Variants in ZNF248 observed in about 807,000 individuals in gnomAD.
The protein encoded by ZNF248 is KRAB protein domain.
In ZNF248, 20 loss-of-function variants were observed where a neutral mutation model predicts 44.3. That is an observed-to-expected ratio of 0.45 (90% CI 0.32 to 0.66). The LOEUF (loss-of-function observed/expected upper bound fraction) is 0.66. ZNF248 is among the 30% of genes least tolerant of loss of function. The pLI, the probability that ZNF248 is intolerant of heterozygous loss-of-function variation, is 0.04. For missense variants in ZNF248, 654 were observed against 677.0 expected (o/e 0.97, Z 0.38); for synonymous variants, 224 against 229.0 (o/e 0.98, Z 0.20).
intron 3 of ZNF248, among the ~76,000 whole-genome samples, chr10:37,853,682 C>T (rs552309451): frequency 1.6e-4 from 24 of 151,820 alleles, no homozygotes; most frequent in Middle Eastern, 3.5e-3. Flanking sequence ...GCCCGGCCAC[C>T]GGAATGGTAT....
chr10:37,809,929 T>C (rs952325118), intron 6 of ZNF248, among the ~76,000 whole-genome samples: 1 of 152,246 alleles, frequency 6.6e-6, no homozygotes, highest in Non-Finnish European at 1.5e-5. Flanking sequence ...TTAAAATCTA[T>C]TGAGACTTAA....
chr10:37,793,439 C>T (rs922018817), intron 6 of ZNF248, among the ~76,000 whole-genome samples: 6 of 152,098 alleles, frequency 3.9e-5, no homozygotes, highest in African/African-American at 1.4e-4. Flanking sequence ...AGATGTGGTT[C>T]GATACCAATG....
chr10:37,824,672 A>ATTTTT (rs1564542451), downstream of ZNF248, among the ~76,000 whole-genome samples: 3 of 61,318 alleles, frequency 4.9e-5, no homozygotes, highest in African/African-American at 1.3e-4. Flanking sequence ...AATTATTTTA[A>ATTTTT]ATTTTTTTTT....
the ZNF248 span, among the ~76,000 whole-genome samples, chr10:37,760,651 T>G: frequency 6.6e-6 from 1 of 152,150 alleles, no homozygotes; most frequent in African/African-American, 2.4e-5. Context: ...CTGGTCAACA[T>G]GGTGAAACCC....
intron 6 of ZNF248, among the ~76,000 whole-genome samples, chr10:37,788,202 T>G (rs896704136): frequency 5.5e-5 from 8 of 145,636 alleles, no homozygotes; most frequent in African/African-American, 2.0e-4. Context: ...GAGGTGGAGG[T>G]TGCAGTGAGC....
intron 6 of ZNF248, among the ~76,000 whole-genome samples, chr10:37,780,894 CG>C (rs1452103656): frequency 6.6e-6 from 1 of 152,122 alleles, no homozygotes; most frequent in East Asian, 1.9e-4. Context: ...GGTTCCGGGG[CG>C]TCTCTGCAAG....
chr10:37,820,499 A>G (rs2053287602), intron 6 of ZNF248: 1 of 1,600,254 alleles, frequency 6.2e-7, no homozygotes. Context: ...GGGATTGGAT[A>G]AGGAATGTTG....
At chr10:37,788,967 G>C (rs1258062135) in intron 6 of ZNF248, among the ~76,000 whole-genome samples, 1 of 152,012 alleles carries the variant, frequency 6.6e-6, no homozygotes, top group Non-Finnish European at 1.5e-5. Flanking sequence ...TGCTTCCTGG[G>C]TTCAAGCGAT....
chr10:37,772,645 A>C (rs914410119), downstream of ZNF248, among the ~76,000 whole-genome samples: 2 of 152,244 alleles, frequency 1.3e-5, no homozygotes, highest in African/African-American at 4.8e-5. Flanking sequence ...GAGACAGGTC[A>C]CAGTGGTCTA....
In ZNF248 at chr10:37,831,374, G is replaced by C. The variant is rs75530881; in HGVS notation, c.*241C>G. On this transcript the variant is annotated 3_prime_UTR_variant, in exon 6 of 6. Transcript: ENST00000395867. ...ATTTGCAACAAAATTTTGGTATCAC[G>C]TCTGGAATATAACACTAAACAACAT... 3.9e-6 allele frequency: 6 copies of C among 1,546,174 alleles called. No individual in the cohort carries two copies. The highest frequency in any genetic ancestry group is 5.2e-6 in the Non-Finnish European group (6 of 1,144,750).
chr10:37,850,496 A>G (rs1018193262), intron 3 of ZNF248, among the ~76,000 whole-genome samples: 5 of 152,226 alleles, frequency 3.3e-5, no homozygotes, highest in Admixed American at 3.3e-4. Flanking sequence ...TAAAGCAACT[A>G]TGAAGAAGAA....
chr10:37,771,003 C>CA, the ZNF248 span, among the ~76,000 whole-genome samples: 1 of 152,092 alleles, frequency 6.6e-6, no homozygotes, highest in East Asian at 1.9e-4. Context: ...TTTATGCAGC[C>CA]AAAAAACACA....
At chr10:37,766,940 G>T in the ZNF248 span, among the ~76,000 whole-genome samples, 74 of 152,304 alleles carry the variant, frequency 4.9e-4, 1 homozygote, top group South Asian at 7.9e-3. Flanking sequence ...GGAGCTGATG[G>T]AGCTGAAAGC....
intron 6 of ZNF248, among the ~76,000 whole-genome samples, chr10:37,818,077 G>C (rs532148537): frequency 1.3e-5 from 2 of 151,970 alleles, no homozygotes; most frequent in East Asian, 3.9e-4. Context: ...CACCAAGCCT[G>C]GCTAATTTTT....
chr10:37,778,100 G>A (rs953268715), intron 6 of ZNF248, among the ~76,000 whole-genome samples: 9 of 152,114 alleles, frequency 5.9e-5, no homozygotes, highest in African/African-American at 1.7e-4. Flanking sequence ...AGATCCCTGA[G>A]GAATCGCCAC....
chr10:37,789,454 G>C (rs1276892501), intron 6 of ZNF248, among the ~76,000 whole-genome samples: 2 of 152,124 alleles, frequency 1.3e-5, no homozygotes, highest in Non-Finnish European at 2.9e-5. Context: ...AACTAAAATG[G>C]TGTTTTATGG....
intron 6 of ZNF248, among the ~76,000 whole-genome samples, chr10:37,814,772 G>C (rs953942331): frequency 6.6e-6 from 1 of 152,152 alleles, no homozygotes; most frequent in Non-Finnish European, 1.5e-5. Context: ...AGAATGGCTT[G>C]TATGTATGTA....
chr10:37,809,832 T>C (rs2051205820), intron 6 of ZNF248, among the ~76,000 whole-genome samples: 1 of 151,944 alleles, frequency 6.6e-6, no homozygotes, highest in Non-Finnish European at 1.5e-5. Context: ...TCCACAAATT[T>C]ATAAATTTTC....
downstream of ZNF248, chr10:37,775,288 GT>G (rs2046501993): frequency 6.6e-6 from 1 of 151,104 alleles, no homozygotes; most frequent in Admixed American, 6.7e-5. Context: ...TTTTTATCAT[GT>G]TAATCTTTTA....
Sources: allele counts gnomAD v4.1 joint callset (sites outside exome capture counted in the v4.1 genomes callset), GRCh38; gene constraint gnomAD v4.1.1; transcripts MANE v1.5; gene names NCBI Gene and HGNC (gene_info 2026-07-23, HGNC 2026-07-21).